The following B3GALT1 variants were observed in gnomAD, a reference collection of about 807,000 sequenced individuals.
B3GALT1 encodes beta-1,3-galactosyltransferase 1.
B3GALT1 carries 10 observed loss-of-function variants against 23.2 expected under a neutral mutation model. The observed-to-expected ratio is 0.43, with a 90% CI of 0.27 to 0.73. The LOEUF is 0.73. B3GALT1 is among the 30% of genes least tolerant of loss of function. The pLI, the probability that B3GALT1 is intolerant of heterozygous loss-of-function variation, is 0.21. For missense variants in B3GALT1, 299 were observed against 405.4 expected (o/e 0.74, Z 2.25); for synonymous variants, 156 against 141.5 (o/e 1.10, Z -0.73).
At chr2:167,331,028 T>A (rs891638656) in intron 1 of B3GALT1, among the ~76,000 whole-genome samples, 8 of 152,186 alleles carry the variant, frequency 5.3e-5, no homozygotes, top group Admixed American at 3.9e-4. Flanking sequence ...ATCTGTGGTG[T>A]TGAGTGTAGC....
At chr2:167,837,483 T>C (rs1689506859) in intron 4 of B3GALT1, among the ~76,000 whole-genome samples, 1 of 151,572 alleles carries the variant, frequency 6.6e-6, no homozygotes, top group Non-Finnish European at 1.5e-5. Context: ...CTAACTATCC[T>C]AAATATATAT....
At chr2:167,625,094 G>A (rs2105442407) in intron 2 of B3GALT1, among the ~76,000 whole-genome samples, 1 of 152,016 alleles carries the variant, frequency 6.6e-6, no homozygotes, top group East Asian at 1.9e-4. Flanking sequence ...AACTTGTCAT[G>A]GAGGTGCCTG....
chr2:167,298,738 A>G (rs1696397259), intron 1 of B3GALT1, among the ~76,000 whole-genome samples: 1 of 152,108 alleles, frequency 6.6e-6, no homozygotes, highest in South Asian at 2.1e-4. Context: ...AATGTGATTG[A>G]CAGATGAACT....
intron 4 of B3GALT1, among the ~76,000 whole-genome samples, chr2:167,842,912 G>T (rs938031077): frequency 2.0e-5 from 3 of 152,034 alleles, no homozygotes; most frequent in African/African-American, 7.2e-5. Flanking sequence ...GTGTTCCAAG[G>T]CTGGCATTAA....
intron 1 of B3GALT1, among the ~76,000 whole-genome samples, chr2:167,475,650 A>AT (rs1430366103): frequency 6.6e-6 from 1 of 152,184 alleles, no homozygotes; most frequent in African/African-American, 2.4e-5. Context: ...AGTGGAAGAC[A>AT]TGACCAGAAA....
At chr2:167,567,326 T>G (rs1368181771) in intron 2 of B3GALT1, among the ~76,000 whole-genome samples, 1 of 152,190 alleles carries the variant, frequency 6.6e-6, no homozygotes, top group Non-Finnish European at 1.5e-5. Flanking sequence ...TCCTTTGATT[T>G]AAATATAGGA....
intron 2 of B3GALT1, among the ~76,000 whole-genome samples, chr2:167,536,723 A>AG (rs1683434706): frequency 6.6e-6 from 1 of 152,212 alleles, no homozygotes; most frequent in Non-Finnish European, 1.5e-5. Flanking sequence ...TAAAGACTCC[A>AG]GGAGAGGTAA....
intron 2 of B3GALT1, among the ~76,000 whole-genome samples, chr2:167,581,388 T>G (rs1185312380): frequency 6.6e-6 from 1 of 152,220 alleles, no homozygotes; most frequent in Non-Finnish European, 1.5e-5. Flanking sequence ...GAATCATACT[T>G]CTCCACCTGA....
intron 3 of B3GALT1, among the ~76,000 whole-genome samples, chr2:167,755,903 AG>A (rs1488954290): frequency 6.6e-6 from 1 of 152,024 alleles, no homozygotes; most frequent in Admixed American, 6.6e-5. Flanking sequence ...AGAGGCCAGG[AG>A]TTTGAGATTG....
intron 3 of B3GALT1, among the ~76,000 whole-genome samples, chr2:167,752,001 A>G (rs1687746185): frequency 6.6e-6 from 1 of 152,218 alleles, no homozygotes; most frequent in South Asian, 2.1e-4. Context: ...ATACCTCCAC[A>G]GGAAAATCAG....
intron 3 of B3GALT1, among the ~76,000 whole-genome samples, chr2:167,748,717 T>C (rs535365723): frequency 6.6e-6 from 1 of 152,318 alleles, no homozygotes; most frequent in East Asian, 1.9e-4. Flanking sequence ...AGAATTCTGT[T>C]AGTCACATTG....
intron 1 of B3GALT1, among the ~76,000 whole-genome samples, chr2:167,471,826 G>T (rs138642299): frequency 6.6e-6 from 1 of 152,070 alleles, no homozygotes; most frequent in Non-Finnish European, 1.5e-5. Context: ...ATAATACTAT[G>T]GCTGGGCTTT....
At chr2:167,731,225 G>T (rs1687404138) in intron 3 of B3GALT1, among the ~76,000 whole-genome samples, 1 of 152,192 alleles carries the variant, frequency 6.6e-6, no homozygotes, top group African/African-American at 2.4e-5. Flanking sequence ...TCTGTGAAAT[G>T]ATTAAATAAG....
At chr2:167,547,693 C>CAAAAAAAAAAAAAA (rs71031296) in intron 2 of B3GALT1, among the ~76,000 whole-genome samples, 3 of 75,498 alleles carry the variant, frequency 4.0e-5, no homozygotes, top group African/African-American at 7.5e-5. Flanking sequence ...GACTCTGTCT[C>CAAAAAAAAAAAAAA]AAAAAAAAAA....
At chr2:167,368,898 C>A (rs10930269) in intron 1 of B3GALT1, among the ~76,000 whole-genome samples, 619 of 152,098 alleles carry the variant, frequency 4.1e-3, no homozygotes, top group African/African-American at 0.011. Flanking sequence ...GCTTCCCCCC[C>A]CCATGTGAGT....
chr2:167,398,222 A>T (rs1011575667), intron 1 of B3GALT1, among the ~76,000 whole-genome samples: 14 of 152,232 alleles, frequency 9.2e-5, no homozygotes, highest in African/African-American at 3.4e-4. Context: ...TATGCAATTA[A>T]TTGGATCAGG....
At chr2:167,295,464 A>G (rs1696334133) in intron 1 of B3GALT1, among the ~76,000 whole-genome samples, 1 of 152,230 alleles carries the variant, frequency 6.6e-6, no homozygotes, top group Admixed American at 6.5e-5. Flanking sequence ...TTTATGCAAT[A>G]CTATGTGCTG....
At chr2:167,785,109 C>A (rs542865161) in intron 3 of B3GALT1, among the ~76,000 whole-genome samples, 4 of 152,252 alleles carry the variant, frequency 2.6e-5, no homozygotes, top group African/African-American at 9.6e-5. Flanking sequence ...CTGGCCTTAC[C>A]TAAAAGTAAG....
intron 1 of B3GALT1, among the ~76,000 whole-genome samples, chr2:167,344,955 G>A (rs913359865): frequency 1.6e-4 from 24 of 152,154 alleles, no homozygotes; most frequent in African/African-American, 5.8e-4. Context: ...GACTATAAAA[G>A]TAGTTCTCAT....
Sources: gnomAD v4.1 joint callset for allele counts (sites outside exome capture counted in the v4.1 genomes callset) on GRCh38, gnomAD v4.1.1 for gene constraint, MANE v1.5 for transcripts, NCBI Gene and HGNC (gene_info 2026-07-23, HGNC 2026-07-21) for gene names.